The following NTRK3 variants were observed in gnomAD, a reference collection of about 807,000 sequenced individuals.
The protein encoded by NTRK3 is neurotrophic receptor tyrosine kinase 3, also known as NT-3 growth factor receptor.
In NTRK3, 24 loss-of-function variants were observed where a neutral mutation model predicts 91.7. The observed-to-expected ratio is 0.26, with a 90% CI of 0.19 to 0.37. The LOEUF is 0.37. Among genes scored for constraint, NTRK3 ranks in the 10% least tolerant of loss-of-function variants. The probability of loss-of-function intolerance (pLI) is 1.00; values close to 1 mark genes in which losing one functional copy is unlikely to be tolerated. For synonymous variants in NTRK3, 483 were observed against 404.0 expected, an observed-to-expected ratio of 1.20 and a Z score of -2.34; for missense variants, 880 against 1,068.9, an observed-to-expected ratio of 0.82 and a Z score of 2.46.
At chr15:88,217,686 TG>T (rs1243638573) in intron 3 of NTRK3, among the ~76,000 whole-genome samples, 1 of 152,154 alleles carries the variant, frequency 6.6e-6, no homozygotes, top group Non-Finnish European at 1.5e-5. Context: ...CACAGCAATG[TG>T]GATGTGCTTA....
intron 14 of NTRK3, among the ~76,000 whole-genome samples, chr15:87,962,891 A>T (rs2072435794): frequency 6.6e-6 from 1 of 152,172 alleles, no homozygotes; most frequent in Non-Finnish European, 1.5e-5. Context: ...AATTCCATTA[A>T]CATTTCTGGA....
chr15:88,110,731 G>A (rs1291454793), intron 13 of NTRK3, among the ~76,000 whole-genome samples: 2 of 152,228 alleles, frequency 1.3e-5, no homozygotes, highest in African/African-American at 4.8e-5. Context: ...AGGCTGGCAA[G>A]AGTGGAAACC....
chr15:87,865,915 A>G (rs56046456), exon 19 of NTRK3: 8,173 of 230,744 alleles, frequency 0.035, 622 homozygotes, highest in African/African-American at 0.16. Flanking sequence ...AAAAACAGAC[A>G]CCAGCAAAAA....
intron 14 of NTRK3, among the ~76,000 whole-genome samples, chr15:88,000,291 CCCT>C (rs1354140494): frequency 6.6e-6 from 1 of 152,288 alleles, no homozygotes; most frequent in East Asian, 1.9e-4. Context: ...GGCCCCAGCC[CCCT>C]CCTCTGAGAA....
exon 19 of NTRK3, chr15:87,868,939 C>A (rs190325790): frequency 1.2e-4 from 28 of 227,084 alleles, no homozygotes; most frequent in Middle Eastern, 2.7e-3. Flanking sequence ...GCAGTCATGA[C>A]CTTGTTGCAA....
exon 2 of NTRK3, chr15:88,256,446 C>G (rs1322184240): frequency 1.4e-4 from 78 of 538,388 alleles, no homozygotes; most frequent in Non-Finnish European, 2.4e-4. Flanking sequence ...CTCGCCGGGT[C>G]CGGGGGCTCT....
exon 19 of NTRK3, chr15:87,862,628 T>C (rs2064558104): frequency 4.4e-6 from 1 of 228,386 alleles, no homozygotes; most frequent in South Asian, 1.8e-4. Flanking sequence ...TAAGATGATA[T>C]CTGTGTGTCA....
intron 9 of NTRK3, 84 bp downstream of exon 9, chr15:88,135,815 C>T (rs973247754): frequency 6.4e-7 from 1 of 1,557,488 alleles, no homozygotes. Context: ...CTAGCTCACC[C>T]CTGACAACAC....
intron 14 of NTRK3, among the ~76,000 whole-genome samples, chr15:88,005,298 TG>T (rs2076409114): frequency 6.6e-6 from 1 of 152,166 alleles, no homozygotes; most frequent in Non-Finnish European, 1.5e-5. Context: ...GGACTTCTGA[TG>T]GCCCCAGAGA....
rs186940517 is a variant in NTRK3 at position 87,911,280 on chromosome 15, T to C, written c.2133+17911A>G. Among the ~76,000 whole-genome samples, 50 of 152,324 alleles carry C rather than the reference T, an allele frequency of 3.3e-4. No homozygotes were observed. In the East Asian group the frequency reaches 8.5e-3, roughly 26 times the overall value. ...TCATGAAAATATATACTTGACACAG[T>C]TCCTTGCACGTACATAATTATGAGT... is the stretch of plus-strand genomic sequence containing the variant. On this transcript the variant is annotated intron_variant, in intron 17 of 18. Coordinates refer to ENST00000394480, the Ensembl canonical transcript of NTRK3.
At chr15:88,246,387 G>A (rs1443725237) in intron 3 of NTRK3, among the ~76,000 whole-genome samples, 1 of 152,188 alleles carries the variant, frequency 6.6e-6, no homozygotes, top group East Asian at 1.9e-4. Context: ...TCAATGCCAG[G>A]ACCTGCTATT....
intron 17 of NTRK3, among the ~76,000 whole-genome samples, chr15:87,890,213 G>A (rs1200819360): frequency 6.6e-6 from 1 of 152,126 alleles, no homozygotes; most frequent in Non-Finnish European, 1.5e-5. Context: ...TCTTTGTGAT[G>A]TTAAGACTGA....
At chr15:88,099,649 A>G (rs1426139207) in intron 13 of NTRK3, among the ~76,000 whole-genome samples, 2 of 152,154 alleles carry the variant, frequency 1.3e-5, no homozygotes, top group Non-Finnish European at 2.9e-5. Context: ...GTCTGCCACA[A>G]TCAAAACTGT....
At chr15:88,001,783 T>A (rs76136825) in intron 14 of NTRK3, among the ~76,000 whole-genome samples, 3,061 of 152,192 alleles carry the variant, frequency 0.02, 92 homozygotes, top group African/African-American at 0.069. Flanking sequence ...ACCTCCAAAT[T>A]TGTTCTTCTT....
chr15:88,233,796 C>CCT lies in NTRK3; in HGVS notation c.248+22108_248+22109dup, dbSNP rs1555567094. 1.1e-4 allele frequency among the ~76,000 whole-genome samples: 16 copies of CCT among 151,962 alleles called. No homozygotes were observed. The highest frequency in any genetic ancestry group is 3.9e-4 in the African/African-American group (16 of 41,336). ...TCCTCCCCTGACATCCAGTGCTCCC[C>CCT]CTCCCTGCCTTGTCCAAGAGAATCT... On this transcript the variant is annotated intron_variant, in intron 3 of 18. Transcript: ENST00000394480. The surrounding 1 kb of genome is among the most constrained non-coding windows in gnomAD (Gnocchi z 4.2).
chr15:88,207,506 G>T (rs564883785), intron 3 of NTRK3, among the ~76,000 whole-genome samples: 2 of 152,368 alleles, frequency 1.3e-5, no homozygotes, highest in East Asian at 3.9e-4. Context: ...TGTTGAAGCA[G>T]GTTATGTGCT....
intron 14 of NTRK3, among the ~76,000 whole-genome samples, chr15:87,943,109 G>A (rs1404449834): frequency 1.3e-5 from 2 of 152,038 alleles, no homozygotes; most frequent in East Asian, 1.9e-4. Flanking sequence ...CCTCCACCAG[G>A]GATTCCAATC....
intron 14 of NTRK3, among the ~76,000 whole-genome samples, chr15:88,025,218 G>A (rs2077931273): frequency 1.3e-5 from 2 of 152,236 alleles, no homozygotes; most frequent in African/African-American, 4.8e-5. Flanking sequence ...TATTTCTTAT[G>A]AAGCTAAACA....
At chr15:87,914,133 C>G (rs1281289878) in intron 17 of NTRK3, among the ~76,000 whole-genome samples, 1 of 152,178 alleles carries the variant, frequency 6.6e-6, no homozygotes, top group Non-Finnish European at 1.5e-5. Flanking sequence ...ATTTCTTCCT[C>G]TTTAAGCAAC....
Sources: allele counts gnomAD v4.1 joint callset (sites outside exome capture counted in the v4.1 genomes callset), GRCh38; gene constraint gnomAD v4.1.1; non-coding constraint Gnocchi (gnomAD v3.1); transcripts MANE v1.5; gene names NCBI Gene and HGNC (gene_info 2026-07-23, HGNC 2026-07-21).